The following DHRSX variants were observed in gnomAD, a reference collection of about 807,000 sequenced individuals.
DHRSX encodes dehydrogenase/reductase X-linked, also known as polyprenol dehydrogenase.
In DHRSX, 31 loss-of-function variants were observed where a neutral mutation model predicts 34.0. The ratio of observed to expected loss-of-function variants is 0.91; its 90% confidence interval spans 0.69 to 1.23. The LOEUF is 1.23. Among genes scored for constraint, DHRSX ranks in the 50% most tolerant of loss-of-function variants. DHRSX has a pLI of 0.00. For synonymous variants in DHRSX, 201 were observed against 183.8 expected (o/e 1.09, Z -0.76); for missense variants, 414 against 428.1 (o/e 0.97, Z 0.29).
chrX:2,304,065 GTGGA>G (rs1265587308), intron 3 of DHRSX, among the ~76,000 whole-genome samples: 15 of 59,162 alleles, frequency 2.5e-4, no homozygotes, highest in African/African-American at 6.5e-4. Flanking sequence ...GGATGGATGG[GTGGA>G]TGGATGGATG....
intron 3 of DHRSX, chrX:2,334,433 G>GT (rs1468976164): frequency 1.3e-5 from 2 of 151,948 alleles, no homozygotes; most frequent in African/African-American, 2.4e-5. Flanking sequence ...GATTACAGGC[G>GT]TGAGTCACCG....
At chrX:2,344,872 CATATATATATATATAT>C (rs775259345) in intron 3 of DHRSX, among the ~76,000 whole-genome samples, 3,964 of 98,340 alleles carry the variant, frequency 0.04, 114 homozygotes, top group South Asian at 0.054. Flanking sequence ...TAAAAAGAAG[CATATATATATATATAT>C]ATATATATAT....
intron 1 of DHRSX, among the ~76,000 whole-genome samples, chrX:2,439,598 C>T (rs1196707160): frequency 6.6e-6 from 1 of 152,142 alleles, no homozygotes; most frequent in Non-Finnish European, 1.5e-5. Context: ...AATTATGAAA[C>T]TCACCATCGT....
intron 3 of DHRSX, among the ~76,000 whole-genome samples, chrX:2,384,354 G>A (rs1272276599): frequency 3.3e-5 from 5 of 152,188 alleles, no homozygotes; most frequent in African/African-American, 4.8e-5. Flanking sequence ...ATATATTGGT[G>A]AGAACTAGCA....
At chrX:2,453,165 C>G (rs1460343622) in intron 1 of DHRSX, among the ~76,000 whole-genome samples, 3 of 152,110 alleles carry the variant, frequency 2.0e-5, no homozygotes, top group Non-Finnish European at 4.4e-5. Context: ...TATAAAAAAG[C>G]TGAACACATA....
intron 3 of DHRSX, among the ~76,000 whole-genome samples, chrX:2,403,265 T>C (rs1184406126): frequency 6.6e-6 from 1 of 152,198 alleles, no homozygotes; most frequent in Non-Finnish European, 1.5e-5. Context: ...ACCTTACTCA[T>C]TCTATCTAAA....
Position 2,458,089 on chromosome X carries a change from G to A in DHRSX, c.110-32785C>T, listed in dbSNP as rs762834231. On this transcript the variant is annotated intron_variant, in intron 1 of 6. Coordinates refer to ENST00000334651, the MANE Select transcript of DHRSX (RefSeq NM_145177.3). ...AATTAGGACTAGGGACTGCCACCGT[G>A]TACACACTGAAGACATTCGGGAAGA... Among the ~76,000 whole-genome samples, 4 of 152,146 alleles carry A rather than the reference G, an allele frequency of 2.6e-5. No homozygotes were observed. In the East Asian group the frequency reaches 5.8e-4, roughly 22 times the overall value.
intron 1 of DHRSX, among the ~76,000 whole-genome samples, chrX:2,469,857 C>T (rs1473147094): frequency 6.6e-6 from 1 of 152,166 alleles, no homozygotes. Context: ...TGCAAAACAT[C>T]AGAGGAAAGA....
chrX:2,462,818 A>G (rs1460448939), intron 1 of DHRSX, among the ~76,000 whole-genome samples: 7 of 151,616 alleles, frequency 4.6e-5, no homozygotes, highest in Admixed American at 1.3e-4. Context: ...AAAAAAAAAA[A>G]GCTTAACTAT....
intron 3 of DHRSX, among the ~76,000 whole-genome samples, chrX:2,366,790 G>C (rs1393281552): frequency 6.6e-6 from 1 of 150,998 alleles, no homozygotes; most frequent in Non-Finnish European, 1.5e-5. Context: ...GTAGAGACGA[G>C]ATCTTGCTAT....
At chrX:2,467,212 G>A (rs1015970605) in intron 1 of DHRSX, among the ~76,000 whole-genome samples, 3 of 152,108 alleles carry the variant, frequency 2.0e-5, no homozygotes, top group Non-Finnish European at 4.4e-5. Flanking sequence ...GCCAACTTGA[G>A]TGTGAGAAGG....
chrX:2,432,211 T>A (rs2043935875), intron 1 of DHRSX, among the ~76,000 whole-genome samples: 1 of 152,034 alleles, frequency 6.6e-6, no homozygotes, highest in Admixed American at 6.6e-5. Flanking sequence ...AAATTTTTTT[T>A]AATTTAAAAA....
chrX:2,498,640 A>AAG (rs1350988711), intron 1 of DHRSX, among the ~76,000 whole-genome samples: 6 of 151,798 alleles, frequency 4.0e-5, no homozygotes, highest in Non-Finnish European at 8.8e-5. Flanking sequence ...AAAAAAAAAA[A>AAG]AAAGATTCCA....
At chrX:2,448,260 G>C (rs2044165434) in intron 1 of DHRSX, among the ~76,000 whole-genome samples, 1 of 152,122 alleles carries the variant, frequency 6.6e-6, no homozygotes. Context: ...CCTGAGCCAG[G>C]AGTTGGAGGC....
intron 1 of DHRSX, chrX:2,488,879 G>C (rs371214650): frequency 6.2e-7 from 1 of 1,612,170 alleles, no homozygotes; most frequent in Non-Finnish European, 8.5e-7. Context: ...GGCGACGCGC[G>C]TGGCCGTCAC....
chrX:2,355,539 A>AAAAAAAAAAAAAAAAC, intron 3 of DHRSX, among the ~76,000 whole-genome samples: 1 of 126,874 alleles, frequency 7.9e-6, no homozygotes, highest in African/African-American at 3.2e-5. Context: ...AAAAAAAAAA[A>AAAAAAAAAAAAAAAAC]AAAAAAGACT....
intron 5 of DHRSX, 75 bp downstream of exon 5, chrX:2,266,665 C>G: frequency 6.9e-7 from 1 of 1,443,486 alleles, no homozygotes; most frequent in Non-Finnish European, 9.7e-7. Context: ...AGCGCCACAC[C>G]GCACAGACAG....
intron 1 of DHRSX, among the ~76,000 whole-genome samples, chrX:2,483,112 G>GTGTC (rs2044798907): frequency 1.3e-5 from 2 of 152,072 alleles, no homozygotes; most frequent in African/African-American, 4.8e-5. Context: ...TAGAGACAGG[G>GTGTC]TCTCACTCTT....
chrX:2,271,566 G>C (rs1185101564), intron 4 of DHRSX, among the ~76,000 whole-genome samples: 1 of 152,158 alleles, frequency 6.6e-6, no homozygotes, highest in Non-Finnish European at 1.5e-5. Context: ...TATTCCCTGA[G>C]CTTATGCCTG....
Sources: allele counts gnomAD v4.1 joint callset (sites outside exome capture counted in the v4.1 genomes callset), GRCh38; gene constraint gnomAD v4.1.1; transcripts MANE v1.5; gene names NCBI Gene and HGNC (gene_info 2026-07-23, HGNC 2026-07-21).